The following LY75 variants were observed in gnomAD, a reference collection of about 807,000 sequenced individuals.
The protein encoded by LY75 is lymphocyte antigen 75.
A neutral mutation model predicts 231.7 loss-of-function variants in LY75; 185 were observed. The observed-to-expected ratio is 0.80, with a 90% CI of 0.71 to 0.90. The LOEUF is 0.90. LY75 is among the 40% of genes least tolerant of loss of function. The pLI is 0.00. For missense variants in LY75, 1,947 were observed against 2,050.2 expected (o/e 0.95, Z 0.97); for synonymous variants, 668 against 689.0 (o/e 0.97, Z 0.48).
At chr2:159,887,712 A>G (rs1221865470) in intron 4 of LY75, among the ~76,000 whole-genome samples, 1 of 152,186 alleles carries the variant, frequency 6.6e-6, no homozygotes, top group Non-Finnish European at 1.5e-5. Context: ...TGGAAGAGGA[A>G]CTTGAAACAT....
At chr2:159,867,337 A>C (rs1206126455) in intron 13 of LY75, among the ~76,000 whole-genome samples, 1 of 152,274 alleles carries the variant, frequency 6.6e-6, no homozygotes, top group East Asian at 1.9e-4. Context: ...GGTTTGGCCT[A>C]GTTTAGCTGT....
At chr2:159,868,414 C>T (rs1042688859) in intron 13 of LY75, among the ~76,000 whole-genome samples, 1 of 152,068 alleles carries the variant, frequency 6.6e-6, no homozygotes, top group African/African-American at 2.4e-5. Context: ...TGTAAGTAAA[C>T]AGAAAGGGTT....
intron 23 of LY75, among the ~76,000 whole-genome samples, chr2:159,846,161 G>A (rs1684196236): frequency 6.6e-6 from 1 of 151,676 alleles, no homozygotes; most frequent in South Asian, 2.1e-4. Context: ...AAATAATTAA[G>A]CATGCACTGA....
chr2:159,900,765 G>A (rs568419129), intron 1 of LY75, among the ~76,000 whole-genome samples: 3 of 152,302 alleles, frequency 2.0e-5, no homozygotes, highest in African/African-American at 7.2e-5. Context: ...AAAGCTTAAA[G>A]TTATTTTAAA....
chr2:159,856,773 CT>C (rs1684559713), intron 16 of LY75, among the ~76,000 whole-genome samples: 1 of 151,950 alleles, frequency 6.6e-6, no homozygotes, highest in Admixed American at 6.6e-5. Flanking sequence ...ATTCCTTTCT[CT>C]CTTGTTAAAA....
At chr2:159,820,451 T>G (rs984924934) in intron 28 of LY75, among the ~76,000 whole-genome samples, 2 of 152,170 alleles carry the variant, frequency 1.3e-5, no homozygotes, top group Non-Finnish European at 2.9e-5. Context: ...AACCAAACAT[T>G]GTGTGTTCTC....
At chr2:159,828,070 C>T (rs1260836006) in intron 28 of LY75, among the ~76,000 whole-genome samples, 7 of 148,596 alleles carry the variant, frequency 4.7e-5, no homozygotes, top group Non-Finnish European at 8.9e-5. Flanking sequence ...CAAAACTGCA[C>T]GTTCTACACA....
chr2:159,827,470 G>C (rs781301087), intron 28 of LY75, among the ~76,000 whole-genome samples: 92 of 152,226 alleles, frequency 6.0e-4, no homozygotes, highest in Non-Finnish European at 1.0e-3. Context: ...AGGTGCTGGA[G>C]AGGATGTGGA....
chr2:159,818,861 T>C (rs903471473), intron 29 of LY75, among the ~76,000 whole-genome samples: 1 of 151,980 alleles, frequency 6.6e-6, no homozygotes, highest in Non-Finnish European at 1.5e-5. Flanking sequence ...AACATAAAGG[T>C]GCAAGTATGA....
intron 32 of LY75, among the ~76,000 whole-genome samples, chr2:159,810,042 A>T (rs1682909904): frequency 1.3e-5 from 2 of 148,848 alleles, no homozygotes; most frequent in South Asian, 2.1e-4. Context: ...AACATTGATA[A>T]TTTTTTTTTG....
intron 28 of LY75, among the ~76,000 whole-genome samples, chr2:159,822,067 A>C (rs548406087): frequency 6.6e-6 from 1 of 152,342 alleles, no homozygotes; most frequent in Non-Finnish European, 1.5e-5. Context: ...TGCCTACCCC[A>C]CCAGGGCCCT....
At chr2:159,852,166 A>G in intron 21 of LY75, 35 bp downstream of exon 21, 2 of 1,606,810 alleles carry the variant, frequency 1.2e-6, no homozygotes, top group Non-Finnish European at 1.7e-6. Flanking sequence ...CATGGAAGCA[A>G]TCATTGTTGC....
intron 7 of LY75, among the ~76,000 whole-genome samples, chr2:159,881,498 TGGG>T: frequency 6.6e-6 from 1 of 152,208 alleles, no homozygotes; most frequent in African/African-American, 2.4e-5. Flanking sequence ...CTTTGCTTTG[TGGG>T]GTGAATGAAA....
intron 31 of LY75, among the ~76,000 whole-genome samples, chr2:159,813,327 G>A (rs1574520631): frequency 8.0e-6 from 1 of 124,282 alleles, no homozygotes; most frequent in Non-Finnish European, 1.8e-5. Flanking sequence ...GTTATTCTCT[G>A]TTTTGTTTTT....
At chr2:159,858,888 C>T (rs1684619655) in intron 15 of LY75, among the ~76,000 whole-genome samples, 1 of 152,176 alleles carries the variant, frequency 6.6e-6, no homozygotes, top group South Asian at 2.1e-4. Flanking sequence ...CCACATGGTC[C>T]AGGATGGCTC....
At chr2:159,867,081 G>C (rs913586013) in intron 13 of LY75, among the ~76,000 whole-genome samples, 1 of 152,070 alleles carries the variant, frequency 6.6e-6, no homozygotes, top group Non-Finnish European at 1.5e-5. Flanking sequence ...AAAAGAGTTT[G>C]CTCGATTGTC....
At chr2:159,807,943 CT>C (rs1682836520) in intron 33 of LY75, 1 of 972,050 alleles carries the variant, frequency 1.0e-6, no homozygotes, top group Admixed American at 6.2e-5. Context: ...GCTGCAATTA[CT>C]TTCACACCAA....
chr2:159,805,988 C>A (rs1682782797), intron 34 of LY75, among the ~76,000 whole-genome samples: 1 of 152,202 alleles, frequency 6.6e-6, no homozygotes, highest in Admixed American at 6.5e-5. Context: ...CTGCCTTAGG[C>A]TCTTTGCTCC....
At chr2:159,820,324 G>C (rs1011339742) in intron 28 of LY75, among the ~76,000 whole-genome samples, 2 of 152,162 alleles carry the variant, frequency 1.3e-5, no homozygotes, top group Non-Finnish European at 2.9e-5. Context: ...TGGTAATGTG[G>C]TATATATGTA....
Sources: gnomAD v4.1 joint callset for allele counts (sites outside exome capture counted in the v4.1 genomes callset) on GRCh38, gnomAD v4.1.1 for gene constraint, MANE v1.5 for transcripts, NCBI Gene and HGNC (gene_info 2026-07-23, HGNC 2026-07-21) for gene names.